Variants in RIT2 observed in about 807,000 individuals in gnomAD.
RIT2 encodes the protein GTP-binding protein Rit2.
Under a neutral mutation model 23.7 loss-of-function variants are expected in RIT2, and 24 were observed. The ratio of observed to expected loss-of-function variants is 1.01; its 90% confidence interval spans 0.73 to 1.43. RIT2 has a LOEUF of 1.43. Ranked by LOEUF, RIT2 falls within the 40% of genes most tolerant of loss-of-function variation. The probability of loss-of-function intolerance (pLI) is 0.00; values close to 1 mark genes in which losing one functional copy is unlikely to be tolerated. For missense variants in RIT2, 236 were observed against 266.9 expected, an observed-to-expected ratio of 0.88 and a Z score of 0.81; for synonymous variants, 107 against 91.1, an observed-to-expected ratio of 1.17 and a Z score of -0.99.
intron 1 of RIT2, among the ~76,000 whole-genome samples, chr18:43,090,966 C>T (rs1335893974): frequency 1.3e-5 from 2 of 151,612 alleles, no homozygotes; most frequent in Non-Finnish European, 2.9e-5. Flanking sequence ...TACAGCAAAC[C>T]CCCATGACAC....
At chr18:42,904,270 G>A (rs1270633052) in intron 4 of RIT2, among the ~76,000 whole-genome samples, 6 of 152,168 alleles carry the variant, frequency 3.9e-5, no homozygotes, top group Non-Finnish European at 7.4e-5. Context: ...AGAATAAAAT[G>A]TAAGAGAATA....
Position 42,875,346 on chromosome 18 carries a change from A to T in RIT2, c.426+48226T>A, listed in dbSNP as rs867243585. Among the ~76,000 whole-genome samples, 1,216 of 145,342 alleles carry T rather than the reference A, an allele frequency of 8.4e-3. 7 individuals carry two copies. Among genetic ancestry groups the T allele is most frequent in the African/African-American group, 0.017 (664 of 39,396 alleles). On this transcript the variant is annotated intron_variant, in intron 4 of 4. Transcript: ENST00000326695. ...TCTCTCTCTCTTTTTTTTTTTTTTT[A>T]AAAAAAGGTAATGTACCTACTTCAT...
At chr18:43,085,573 T>C (rs78488774) in intron 1 of RIT2, among the ~76,000 whole-genome samples, 7,604 of 152,254 alleles carry the variant, frequency 0.05, 236 homozygotes, top group South Asian at 0.12. Flanking sequence ...GTTTAGAGTC[T>C]ACATACATGA....
At chr18:42,775,492 C>A (rs192750868) in intron 4 of RIT2, among the ~76,000 whole-genome samples, 9 of 152,012 alleles carry the variant, frequency 5.9e-5, no homozygotes, top group South Asian at 2.1e-4. Context: ...GTCAGGAGAT[C>A]GAGACCATCT....
At chr18:42,861,235 C>T (rs911084815) in intron 4 of RIT2, among the ~76,000 whole-genome samples, 2 of 152,176 alleles carry the variant, frequency 1.3e-5, no homozygotes, top group African/African-American at 4.8e-5. Context: ...TACAGCTACT[C>T]TCAGATAATA....
intron 1 of RIT2, among the ~76,000 whole-genome samples, chr18:43,114,922 A>G (rs1914033223): frequency 6.6e-6 from 1 of 152,178 alleles, no homozygotes; most frequent in South Asian, 2.1e-4. Flanking sequence ...CAAAGCCCAC[A>G]CACACCATGT....
intron 1 of RIT2, among the ~76,000 whole-genome samples, chr18:43,047,207 T>G (rs79646209): frequency 6.6e-6 from 1 of 152,104 alleles, no homozygotes; most frequent in Non-Finnish European, 1.5e-5. Flanking sequence ...GCTATTGTGC[T>G]TATATCTCTC....
chr18:43,040,634 C>G (rs1433912824), intron 1 of RIT2, among the ~76,000 whole-genome samples: 1 of 152,014 alleles, frequency 6.6e-6, no homozygotes, highest in Non-Finnish European at 1.5e-5. Flanking sequence ...TTACTGTATC[C>G]ACAGTCTATT....
chr18:43,021,620 A>G (rs1329852325), intron 2 of RIT2, among the ~76,000 whole-genome samples: 1 of 151,996 alleles, frequency 6.6e-6, no homozygotes, highest in Non-Finnish European at 1.5e-5. Flanking sequence ...TGAGTCAGTT[A>G]TTGTGAGATC....
chr18:43,110,997 C>G (rs55819234), intron 1 of RIT2, among the ~76,000 whole-genome samples: 26,045 of 152,006 alleles, frequency 0.17, 2,432 homozygotes, highest in East Asian at 0.38. Flanking sequence ...CAGCTAAAAT[C>G]TACTAATTTA....
At chr18:42,811,238 T>A (rs1321550721) in intron 4 of RIT2, among the ~76,000 whole-genome samples, 1 of 152,130 alleles carries the variant, frequency 6.6e-6, no homozygotes, top group African/African-American at 2.4e-5. Flanking sequence ...TCTTGATTCT[T>A]GAGTATTATC....
At chr18:42,931,298 C>G (rs1472241061) in intron 3 of RIT2, among the ~76,000 whole-genome samples, 1 of 152,022 alleles carries the variant, frequency 6.6e-6, no homozygotes, top group Non-Finnish European at 1.5e-5. Flanking sequence ...GAAAGAGTAT[C>G]AAATCCTTAA....
intron 4 of RIT2, among the ~76,000 whole-genome samples, chr18:42,796,198 A>G (rs1176215362): frequency 6.6e-6 from 1 of 151,962 alleles, no homozygotes; most frequent in East Asian, 1.9e-4. Context: ...CTGCAGCTTC[A>G]CTCCTGAAGC....
chr18:42,936,941 G>A (rs1304029489), intron 3 of RIT2, among the ~76,000 whole-genome samples: 1 of 151,756 alleles, frequency 6.6e-6, no homozygotes, highest in African/African-American at 2.4e-5. Context: ...GAACCTGGGA[G>A]GCAGAGCTTG....
rs149624520 is a variant in RIT2, at chr18:43,018,573, G to C, written c.160+15238C>G. Among the ~76,000 whole-genome samples the C allele has an allele frequency of 1.4e-3, 216 of 152,052 alleles. 1 individual carries two copies. The highest frequency in any genetic ancestry group is 4.9e-3 in the African/African-American group (205 of 41,512). The stretch of plus-strand genomic sequence containing the variant: ...GGGAACCCCCATCAGATTGACAGTG[G>C]ATTTCTAAGCAGAAACCTGACAGTC... On this transcript the variant is annotated intron_variant, in intron 2 of 4. Transcript: ENST00000326695.
chr18:42,939,220 GC>G (rs1483371468), intron 3 of RIT2, among the ~76,000 whole-genome samples: 3 of 152,114 alleles, frequency 2.0e-5, no homozygotes, highest in Admixed American at 6.6e-5. Context: ...GGGTTCTCAA[GC>G]TATACTGCCT....
At chr18:42,924,725 G>A (rs1366008314) in intron 3 of RIT2, among the ~76,000 whole-genome samples, 1 of 152,018 alleles carries the variant, frequency 6.6e-6, no homozygotes, top group Non-Finnish European at 1.5e-5. Flanking sequence ...AACTGTGTTT[G>A]AAGAATTTGA....
At chr18:42,775,166 G>T (rs1913638084) in intron 4 of RIT2, among the ~76,000 whole-genome samples, 1 of 152,082 alleles carries the variant, frequency 6.6e-6, no homozygotes, top group Non-Finnish European at 1.5e-5. Context: ...TTTGGCTGAG[G>T]GTTCTGTTCA....
chr18:42,839,106 C>A (rs560024362), intron 4 of RIT2, among the ~76,000 whole-genome samples: 57 of 152,262 alleles, frequency 3.7e-4, no homozygotes, highest in African/African-American at 1.3e-3. Context: ...ATCCTTTGCA[C>A]ACTGGAAAAT....
Sources: allele counts gnomAD v4.1 joint callset (sites outside exome capture counted in the v4.1 genomes callset), GRCh38; gene constraint gnomAD v4.1.1; transcripts MANE v1.5; gene names NCBI Gene and HGNC (gene_info 2026-07-23, HGNC 2026-07-21).